FGGY: variants seen among roughly 807,000 people sequenced by gnomAD.
FGGY encodes FGGY carbohydrate kinase domain containing, also known as FGGY carbohydrate kinase domain-containing protein.
In FGGY, 72 loss-of-function variants were observed where a neutral mutation model predicts 71.3. The observed-to-expected ratio is 1.01, with a 90% CI of 0.84 to 1.23. FGGY has a LOEUF of 1.23. FGGY is among the 50% of genes most tolerant of loss of function. FGGY has a pLI of 0.00. For synonymous variants in FGGY, 251 were observed against 250.3 expected (o/e 1.00, Z -0.02); for missense variants, 668 against 682.3 (o/e 0.98, Z 0.23).
intron 11 of FGGY, among the ~76,000 whole-genome samples, chr1:59,641,085 A>T (rs886655832): frequency 6.6e-6 from 1 of 150,932 alleles, no homozygotes; most frequent in Admixed American, 6.6e-5. Flanking sequence ...AGGAAGTAAC[A>T]TTGACACTGA....
At position 59,757,961 on chromosome 1, in the gene FGGY, A is replaced by C; in HGVS notation, c.1543A>C (p.Lys515Gln). ...EAMAKMSKVG[K>Q]VVFPRLQDKK... The stretch of plus-strand genomic sequence containing the variant: ...AATGGCAAAAATGAGCAAAGTTGGG[A>C]AAGTTGTGTTCCCGAGACTACAGGA... Residue 515 changes from lysine to glutamine, a missense_variant, in exon 15 of 16, where the codon AAA (lysine) becomes CAA (glutamine). By Grantham distance (53) the Lys-to-Gln change is moderately conservative. Around this residue, in one of 2 missense-constraint regions of FGGY, gnomAD observed 661 missense variants for 661.6 expected, o/e 1.00. Coordinates refer to ENST00000303721, the MANE Select transcript of FGGY (RefSeq NM_018291.5). The C allele has an allele frequency of 3.7e-6, 6 of 1,613,478 alleles. No individual in the cohort carries two copies. Among genetic ancestry groups the C allele is most frequent in the Middle Eastern group, 1.7e-4 (1 of 6,058 alleles).
chr1:59,500,180 G>T (rs755885683), intron 6 of FGGY, among the ~76,000 whole-genome samples: 2 of 152,156 alleles, frequency 1.3e-5, no homozygotes, highest in Non-Finnish European at 2.9e-5. Context: ...TCCAGGGTAT[G>T]CTTGAAAGTA....
At chr1:59,402,537 T>C (rs999931260) in intron 5 of FGGY, among the ~76,000 whole-genome samples, 3 of 152,204 alleles carry the variant, frequency 2.0e-5, no homozygotes, top group African/African-American at 4.8e-5. Flanking sequence ...GATTAATTAA[T>C]ATAATTATAT....
chr1:59,732,851 G>A (rs112688081), intron 14 of FGGY, among the ~76,000 whole-genome samples: 5 of 151,906 alleles, frequency 3.3e-5, no homozygotes, highest in East Asian at 1.9e-4. Context: ...TGAAATCCCC[G>A]CGACGAGCTT....
chr1:59,611,134 C>T (rs1356395980), intron 9 of FGGY, among the ~76,000 whole-genome samples: 2 of 152,318 alleles, frequency 1.3e-5, no homozygotes, highest in South Asian at 2.1e-4. Flanking sequence ...TACACTTAAA[C>T]GTCCCTGTCT....
intron 12 of FGGY, among the ~76,000 whole-genome samples, chr1:59,661,059 G>A (rs2097269140): frequency 6.6e-6 from 1 of 152,146 alleles, no homozygotes. Context: ...CTTCTGAAAA[G>A]AGAATAGGAA....
chr1:59,360,127 G>GTTGTTATTA (rs60160244), intron 4 of FGGY, among the ~76,000 whole-genome samples: 2,753 of 145,688 alleles, frequency 0.019, 84 homozygotes, highest in African/African-American at 0.068. Flanking sequence ...TTCTATCATT[G>GTTGTTATTA]TTATTATTAT....
intron 7 of FGGY, among the ~76,000 whole-genome samples, chr1:59,529,834 G>A (rs2095092171): frequency 6.6e-6 from 1 of 152,178 alleles, no homozygotes; most frequent in African/African-American, 2.4e-5. Flanking sequence ...AGTGGGGCTT[G>A]AAAAGAAGAT....
chr1:59,533,669 C>T (rs927214819), intron 7 of FGGY, among the ~76,000 whole-genome samples: 2 of 152,158 alleles, frequency 1.3e-5, no homozygotes, highest in Non-Finnish European at 2.9e-5. Flanking sequence ...CAGACTGCCT[C>T]CTTAAGTGGG....
At chr1:59,505,514 TG>T (rs1454006356) in intron 6 of FGGY, among the ~76,000 whole-genome samples, 1 of 152,162 alleles carries the variant, frequency 6.6e-6, no homozygotes, top group Non-Finnish European at 1.5e-5. Flanking sequence ...AAAACTGAGC[TG>T]GGGGCTGGCC....
At chr1:59,699,750 C>G (rs548001550) in intron 14 of FGGY, among the ~76,000 whole-genome samples, 1 of 152,310 alleles carries the variant, frequency 6.6e-6, no homozygotes, top group Admixed American at 6.5e-5. Flanking sequence ...AATTCTCGTT[C>G]TTATTTGCAA....
In FGGY at chr1:59,411,359, G is replaced by A. The variant is rs74557075; in HGVS notation, c.554+32522G>A. ...AGGAGGCACATGATGCCGATTTATC[G>A]TATCACAGGTGATGTGAACTTTGGC... On this transcript the variant is annotated intron_variant, in intron 5 of 15. Transcript: ENST00000303721. Among the ~76,000 whole-genome samples the A allele has an allele frequency of 1.4e-4, 21 of 152,298 alleles. No homozygotes were observed. The East Asian group carries it at 3.9e-3, about 28-fold the overall frequency.
At chr1:59,453,771 G>C (rs752221665) in intron 5 of FGGY, among the ~76,000 whole-genome samples, 3 of 152,156 alleles carry the variant, frequency 2.0e-5, no homozygotes, top group Non-Finnish European at 4.4e-5. Context: ...AGTTACTTCT[G>C]CTTCCTTATT....
In FGGY at chr1:59,305,607, A is replaced by C. The variant is rs200274289; in HGVS notation, c.-15+8457A>C. Among the ~76,000 whole-genome samples, 9 of 152,214 alleles carry C rather than the reference A, an allele frequency of 5.9e-5. No individual in the cohort carries two copies. In the East Asian group the frequency reaches 1.7e-3, roughly 29 times the overall value. On this transcript the variant is annotated intron_variant, in intron 1 of 15. Coordinates refer to ENST00000303721, the MANE Select transcript of FGGY (RefSeq NM_018291.5). ...AGTGTGGAAGTATTCCTTCCTCTTTAATTTTTTATAAGAGTTCAAGAAGAA... is the reference window on the plus strand; with the variant it reads ...AGTGTGGAAGTATTCCTTCCTCTTTCATTTTTTATAAGAGTTCAAGAAGAA...
At chr1:59,506,614 C>T (rs994734135) in intron 6 of FGGY, among the ~76,000 whole-genome samples, 7 of 152,220 alleles carry the variant, frequency 4.6e-5, no homozygotes, top group African/African-American at 1.7e-4. Context: ...GTCTGGCCAA[C>T]ATGGCGAAAC....
intron 11 of FGGY, among the ~76,000 whole-genome samples, chr1:59,648,386 TTCTCCACATCC>T (rs1276457260): frequency 1.5e-5 from 2 of 135,520 alleles, no homozygotes; most frequent in African/African-American, 6.4e-5. Context: ...GTGTTCCTAT[TTCTCCACATCC>T]TCTCCAGCAC....
In FGGY at chr1:59,479,275, G is replaced by A. The variant is rs74084883; in HGVS notation, c.670+22199G>A. ...CAAGAAATTTGGTCAGAGTGTGGGG[G>A]GAGAGAGAGAGAGATGGGGTGGTCA... On this transcript the variant is annotated intron_variant, in intron 6 of 15. Transcript: ENST00000303721. Among the ~76,000 whole-genome samples the A allele has an allele frequency of 5.7e-3, 868 of 152,052 alleles. 7 individuals are homozygous for A. Among genetic ancestry groups the A allele is most frequent in the African/African-American group, 0.02 (839 of 41,494 alleles).
At chr1:59,377,379 C>T (rs1369988292) in intron 4 of FGGY, among the ~76,000 whole-genome samples, 1 of 152,172 alleles carries the variant, frequency 6.6e-6, no homozygotes, top group East Asian at 1.9e-4. Context: ...GAAGGAGAAG[C>T]AAACACATCC....
intron 6 of FGGY, among the ~76,000 whole-genome samples, chr1:59,469,382 G>A (rs2153541447): frequency 6.6e-6 from 1 of 152,304 alleles, no homozygotes; most frequent in Middle Eastern, 3.4e-3. Context: ...AAGGGTGCAA[G>A]AGTGTGGGAC....
Sources: allele counts gnomAD v4.1 joint callset (sites outside exome capture counted in the v4.1 genomes callset), GRCh38; gene constraint gnomAD v4.1.1; regional missense constraint gnomAD v4.1.1; transcripts MANE v1.5; gene names NCBI Gene and HGNC (gene_info 2026-07-23, HGNC 2026-07-21).